SEC14L1: variants seen among roughly 807,000 people sequenced by gnomAD.
SEC14L1 encodes SEC14 like lipid binding 1, also known as SEC14-like protein 1.
In SEC14L1, 48 loss-of-function variants were observed where a neutral mutation model predicts 85.3. The ratio of observed to expected loss-of-function variants is 0.56; its 90% CI spans 0.45 to 0.72. SEC14L1 has a LOEUF of 0.72. Ranked by LOEUF, SEC14L1 falls within the 30% of genes least tolerant of loss-of-function variation. The pLI is 0.00. For synonymous variants in SEC14L1, 391 were observed against 355.5 expected, an observed-to-expected ratio of 1.10 and a Z score of -1.12; for missense variants, 682 against 921.4, an observed-to-expected ratio of 0.74 and a Z score of 3.36.
At chr17:77,115,806 A>G (rs1972158680) in intron 3 of SEC14L1, among the ~76,000 whole-genome samples, 1 of 152,100 alleles carries the variant, frequency 6.6e-6, no homozygotes, top group Admixed American at 6.6e-5. Flanking sequence ...ATCTCAGAAT[A>G]CTTGGCAGGA....
intron 3 of SEC14L1, among the ~76,000 whole-genome samples, chr17:77,107,505 A>G (rs1037618785): frequency 3.9e-5 from 6 of 152,216 alleles, no homozygotes; most frequent in Admixed American, 6.5e-5. Context: ...ATGTTATGCT[A>G]GTTAATGAAG....
chr17:77,200,836 C>G (rs900211140), intron 9 of SEC14L1, among the ~76,000 whole-genome samples, 163 bp downstream of exon 9: 1 of 152,200 alleles, frequency 6.6e-6, no homozygotes, highest in African/African-American at 2.4e-5. Flanking sequence ...CAGACTGATA[C>G]GTGTCACCAC....
chr17:77,175,049 C>T (rs1276751283), intron 3 of SEC14L1, among the ~76,000 whole-genome samples: 4 of 152,110 alleles, frequency 2.6e-5, no homozygotes, highest in African/African-American at 4.8e-5. Context: ...TGTTACAGTA[C>T]AAGGTATGTC....
chr17:77,208,057 T>A (rs2143183279), intron 13 of SEC14L1, among the ~76,000 whole-genome samples: 1 of 152,290 alleles, frequency 6.6e-6, no homozygotes, highest in Non-Finnish European at 1.5e-5. Flanking sequence ...TCATCCTTCA[T>A]ATGAAAAGTT....
chr17:77,165,191 G>A (rs1172968621), intron 3 of SEC14L1, among the ~76,000 whole-genome samples: 1 of 152,158 alleles, frequency 6.6e-6, no homozygotes, highest in Non-Finnish European at 1.5e-5. Flanking sequence ...CAATGAATTA[G>A]ATAACTAAAT....
chr17:77,171,471 C>G (rs557331967), intron 3 of SEC14L1, among the ~76,000 whole-genome samples: 28 of 152,198 alleles, frequency 1.8e-4, no homozygotes, highest in Non-Finnish European at 3.2e-4. Context: ...CAAGATTATT[C>G]CCTCAGCTTC....
rs761200142 is a variant in SEC14L1, at chr17:77,200,692, A to C, written c.1009+19A>C. Reference sequence around the variant, plus strand: ...GACAAAGGTACCGGATGGAGTTGAAACTGTGTTTCCATCGTTGTCTTGATG... The same window carrying C: ...GACAAAGGTACCGGATGGAGTTGAACCTGTGTTTCCATCGTTGTCTTGATG... On this transcript the variant is annotated intron_variant, in intron 9 of 16. Transcript: ENST00000436233. 1 of 1,601,404 alleles carries C rather than the reference A, an allele frequency of 6.2e-7. No homozygotes were observed. Among genetic ancestry groups the C allele is most frequent in the Non-Finnish European group, 8.5e-7 (1 of 1,173,168 alleles).
chr17:77,188,881 C>G (rs1215460217), intron 3 of SEC14L1, among the ~76,000 whole-genome samples: 1 of 152,116 alleles, frequency 6.6e-6, no homozygotes, highest in Non-Finnish European at 1.5e-5. Flanking sequence ...TGGCCCTTTT[C>G]TCTAATGAAC....
intron 3 of SEC14L1, among the ~76,000 whole-genome samples, chr17:77,190,346 T>G (rs1482550930): frequency 6.6e-6 from 1 of 152,228 alleles, no homozygotes; most frequent in African/African-American, 2.4e-5. Flanking sequence ...TTCTGGGTTC[T>G]GTATTTTGTC....
Position 77,143,575 on chromosome 17 carries a change from G to C in SEC14L1, c.-22G>C. 6.2e-7 allele frequency: 1 copy of C among 1,606,524 alleles called. No homozygotes were observed. On this transcript the variant is annotated 5_prime_UTR_variant, in exon 3 of 17. Transcript: ENST00000436233. ...ATATTTATGTTTTGCAGGTGTGAGA[G>C]GGTTGCTGTTGTATTGCAATCATGG...
At chr17:77,209,251 A>AGT in intron 13 of SEC14L1, 91 bp from the exon 14 acceptor site, 1 of 1,466,454 alleles carries the variant, frequency 6.8e-7, no homozygotes, top group South Asian at 1.3e-5. Flanking sequence ...CCAGAAGTTG[A>AGT]GTGCAGGGGG....
At chr17:77,096,610 T>G (rs1237447476) in intron 3 of SEC14L1, among the ~76,000 whole-genome samples, 1 of 151,998 alleles carries the variant, frequency 6.6e-6, no homozygotes, top group African/African-American at 2.4e-5. Flanking sequence ...GTATAGAAAT[T>G]AAAGAACAGT....
chr17:77,137,231 G>C (rs1972826004), upstream of SEC14L1, among the ~76,000 whole-genome samples: 1 of 152,182 alleles, frequency 6.6e-6, no homozygotes, highest in Admixed American at 6.5e-5. Context: ...TAATTTCTTA[G>C]TATCATTATA....
chr17:77,167,836 C>T (rs1170030519), intron 3 of SEC14L1, among the ~76,000 whole-genome samples: 4 of 152,204 alleles, frequency 2.6e-5, no homozygotes, highest in Admixed American at 2.0e-4. Flanking sequence ...GTGTTGGGAA[C>T]AAGTAAGCGG....
At chr17:77,169,465 G>A (rs1271962081) in intron 3 of SEC14L1, among the ~76,000 whole-genome samples, 2 of 152,278 alleles carry the variant, frequency 1.3e-5, no homozygotes, top group East Asian at 3.9e-4. Context: ...AGTGGGAAGG[G>A]GACTATCTGG....
chr17:77,209,462 G>C lies in SEC14L1; in HGVS notation c.1597G>C (p.Gly533Arg). ...CTACCAGTCTGCAAGCGTCTTCAAAGGAGCCCCACATGAGGTACGTCCTCC... is the reference window on the plus strand; with the variant it reads ...CTACCAGTCTGCAAGCGTCTTCAAACGAGCCCCACATGAGGTACGTCCTCC... Reference protein sequence around the residue: ...TIYQSASVFKGAPHEILIQIV... With the variant: ...TIYQSASVFKRAPHEILIQIV... Residue 533 changes from glycine (G) to arginine (R), a missense_variant, in exon 14 of 17, where the codon GGA (glycine) becomes CGA (arginine). Transcript: ENST00000436233. 1 of 1,614,118 alleles carries C rather than the reference G, an allele frequency of 6.2e-7. No homozygotes were observed. The highest frequency in any genetic ancestry group is 8.5e-7 in the Non-Finnish European group (1 of 1,180,026).
intron 3 of SEC14L1, among the ~76,000 whole-genome samples, chr17:77,189,144 CATTCTATAA>C: frequency 6.6e-6 from 1 of 152,266 alleles, no homozygotes; most frequent in Admixed American, 6.5e-5. Flanking sequence ...GGCAACACCT[CATTCTATAA>C]AACAGAATTC....
At chr17:77,201,385 G>C (rs1239537179) in intron 9 of SEC14L1, among the ~76,000 whole-genome samples, 1 of 151,884 alleles carries the variant, frequency 6.6e-6, no homozygotes, top group Non-Finnish European at 1.5e-5. Flanking sequence ...GCTCAGCTTT[G>C]TCTGTGATTA....
intron 3 of SEC14L1, among the ~76,000 whole-genome samples, chr17:77,160,967 T>G (rs540642551): frequency 1.3e-5 from 2 of 152,302 alleles, no homozygotes; most frequent in South Asian, 2.1e-4. Context: ...AAATAAAGAT[T>G]TAAATAGAGT....
Sources: allele counts gnomAD v4.1 joint callset (sites outside exome capture counted in the v4.1 genomes callset), GRCh38; gene constraint gnomAD v4.1.1; transcripts MANE v1.5; gene names NCBI Gene and HGNC (gene_info 2026-07-23, HGNC 2026-07-21).